POMT1: variants seen among roughly 807,000 people sequenced by gnomAD.
POMT1 encodes the protein protein O-mannosyltransferase 1, also known as protein O-mannosyl-transferase 1.
POMT1 carries 85 observed loss-of-function variants against 101.6 expected under a neutral mutation model. The observed-to-expected ratio is 0.84, with a 90% CI of 0.70 to 1.00. The LOEUF is 1.00. Ranked by LOEUF, POMT1 falls within the 50% of genes least tolerant of loss-of-function variation. The pLI is 0.00. For missense variants in POMT1, 857 were observed against 930.4 expected (o/e 0.92, Z 1.03); for synonymous variants, 371 against 383.0 (o/e 0.97, Z 0.37).
chr9:131,520,889 C>A (rs1285059484), intron 17 of POMT1, among the ~76,000 whole-genome samples: 3 of 152,230 alleles, frequency 2.0e-5, no homozygotes, highest in Admixed American at 2.0e-4. Flanking sequence ...GTCATCCAGG[C>A]TGGAGTACAG....
At position 131,523,234 on chromosome 9, in the gene POMT1, A is replaced by G; in HGVS notation, c.*128A>G. 1 of 1,140,986 alleles carries G rather than the reference A, an allele frequency of 8.8e-7. No homozygotes were observed. Among genetic ancestry groups the G allele is most frequent in the Non-Finnish European group, 1.3e-6 (1 of 790,408 alleles). The allele number at this position is 1,140,986 out of a possible 1,614,324, so 70.7% of individuals were successfully genotyped here. A position where few individuals can be genotyped will look rare whatever the true frequency, so the allele number is the denominator to read the frequency against. ...ACGGGCTGGGCTGAGCAGGGCCTCT[A>G]GTGGAACACATGGGGGTCTCATTGA... On this transcript the variant is annotated 3_prime_UTR_variant, in exon 20 of 20. Coordinates refer to ENST00000402686, the MANE Select transcript of POMT1 (RefSeq NM_001077365.2).
chr9:131,520,675 G>A (rs1428456478), intron 17 of POMT1, among the ~76,000 whole-genome samples: 2 of 152,214 alleles, frequency 1.3e-5, no homozygotes, highest in African/African-American at 4.8e-5. Flanking sequence ...CTCAGCATGT[G>A]CACTGAAGGC....
At chr9:131,510,554 G>C (rs924694094) in intron 9 of POMT1, 139 bp downstream of exon 9, 20 of 1,173,220 alleles carry the variant, frequency 1.7e-5, no homozygotes, top group East Asian at 2.6e-5. Context: ...TTTTTTTGGT[G>C]GGGGGGATGG....
At position 131,522,888 on chromosome 9, in the gene POMT1, G is replaced by A. The variant is rs766512745; in HGVS notation, c.2004-44G>A. 19 of 1,543,050 alleles carry A rather than the reference G, an allele frequency of 1.2e-5. No individual in the cohort carries two copies. Among genetic ancestry groups the A allele is most frequent in the South Asian group, 9.4e-5 (8 of 85,306 alleles). On this transcript the variant is annotated intron_variant, in intron 19 of 19. Coordinates refer to ENST00000402686, the MANE Select transcript of POMT1 (RefSeq NM_001077365.2). This position sits in a 1 kb window ranked among gnomAD's most constrained non-coding sequence, Gnocchi z 5.5. Reference sequence around the variant, plus strand: ...CAAGAGGGTGCCGGGCAGGGAAGCCGCAGTGGTCAGCCACCCTCCCCCACG... The same window carrying A: ...CAAGAGGGTGCCGGGCAGGGAAGCCACAGTGGTCAGCCACCCTCCCCCACG...
rs764724167 is a variant in POMT1 at position 131,510,020 on chromosome 9, C to A, written c.699+24C>A. The A allele has an allele frequency of 1.2e-6, 2 of 1,614,216 alleles. No homozygotes were observed. Among genetic ancestry groups the A allele is most frequent in the Non-Finnish European group, 1.7e-6 (2 of 1,180,042 alleles). ...ATGTAGGTGCTGATGTCCAGTGCTG[C>A]ATGAGGCCGGCCTGTATGGGGCAGA... On this transcript the variant is annotated intron_variant, in intron 8 of 19. Transcript: ENST00000402686.
chr9:131,507,090 A>G (rs910521213), intron 4 of POMT1, among the ~76,000 whole-genome samples: 3 of 152,040 alleles, frequency 2.0e-5, no homozygotes, highest in Admixed American at 1.3e-4. Flanking sequence ...AAAAGAAAAA[A>G]GAAAACAGGG....
At chr9:131,504,793 T>G (rs193206821) in intron 2 of POMT1, among the ~76,000 whole-genome samples, 2,403 of 72,126 alleles carry the variant, frequency 0.033, 70 homozygotes, top group African/African-American at 0.089. Flanking sequence ...GTGTGTGTGT[T>G]TTTGAGACGG....
intron 9 of POMT1, chr9:131,510,630 AG>A: frequency 1.6e-6 from 1 of 642,454 alleles, no homozygotes; most frequent in South Asian, 1.8e-5. Context: ...CAGCCTCCCA[AG>A]TAGCTGGTAT....
In POMT1 at chr9:131,506,287, C is replaced by T. The variant is rs532290528; in HGVS notation, c.229+67C>T. The T allele has an allele frequency of 3.6e-5, 57 of 1,574,688 alleles. No homozygotes were observed. In the African/African-American group the frequency reaches 7.3e-4, roughly 20 times the overall value. The stretch of plus-strand genomic sequence containing the variant: ...CAAATACATTTAAAACTTATCAGTG[C>T]ATTTCTTACAGGCAGAAACCAGGTC... On this transcript the variant is annotated intron_variant, in intron 3 of 19. Coordinates refer to ENST00000402686, the MANE Select transcript of POMT1 (RefSeq NM_001077365.2).
chr9:131,515,603 A>T (rs956467941), intron 13 of POMT1, 81 bp downstream of exon 13: 1 of 1,296,996 alleles, frequency 7.7e-7, no homozygotes, highest in Non-Finnish European at 1.1e-6. Flanking sequence ...CACCCGGAGC[A>T]CTCCCTAACA....
intron 13 of POMT1, among the ~76,000 whole-genome samples, chr9:131,517,625 G>A (rs1396592045): frequency 5.3e-5 from 8 of 152,192 alleles, no homozygotes; most frequent in African/African-American, 1.4e-4. Flanking sequence ...CCCACTCGCC[G>A]TCTCTGTGCT....
intron 13 of POMT1, among the ~76,000 whole-genome samples, chr9:131,515,725 C>T (rs1028400006): frequency 1.5e-5 from 2 of 135,078 alleles, no homozygotes; most frequent in African/African-American, 2.6e-5. Flanking sequence ...ACACGGAGCA[C>T]TTCCTGTAAC....
At chr9:131,513,757 C>G (rs1947657652) in intron 12 of POMT1, among the ~76,000 whole-genome samples, 1 of 152,244 alleles carries the variant, frequency 6.6e-6, no homozygotes, top group South Asian at 2.1e-4. Flanking sequence ...CTTCTTCCTT[C>G]TCAGTCCTTC....
At chr9:131,505,739 A>G (rs1588331422) in intron 2 of POMT1, among the ~76,000 whole-genome samples, 1 of 104,918 alleles carries the variant, frequency 9.5e-6, no homozygotes, top group African/African-American at 3.8e-5. Context: ...AGCCACAGAC[A>G]TGTGCTGCTG....
chr9:131,516,003 TCTAA>T (rs1948406296), intron 13 of POMT1, among the ~76,000 whole-genome samples: 1 of 14,490 alleles, frequency 6.9e-5, no homozygotes, highest in African/African-American at 1.5e-4. Context: ...GAGCACTTCC[TCTAA>T]CACAGGACAC....
At chr9:131,508,886 G>A (rs1463527450) in intron 5 of POMT1, 25 bp from the exon 6 acceptor site, 7 of 1,524,420 alleles carry the variant, frequency 4.6e-6, no homozygotes, top group Non-Finnish European at 5.5e-6. Flanking sequence ...CCTTAAAATT[G>A]ACATGTGTTT....
rs1243967556 is a variant in POMT1, at chr9:131,515,855, T to TCTAA, written c.1272+334_1272+335insTAAC. 4.7e-4 allele frequency among the ~76,000 whole-genome samples: 53 copies of TCTAA among 112,466 alleles called. 13 individuals are homozygous for TCTAA. The highest frequency in any genetic ancestry group is 7.6e-4 in the Non-Finnish European group (38 of 49,800). 73.8% of individuals were successfully genotyped at this position (112,466 alleles called of 152,430 possible). On this transcript the variant is annotated intron_variant, in intron 13 of 19. Coordinates refer to ENST00000402686, the MANE Select transcript of POMT1 (RefSeq NM_001077365.2). The stretch of plus-strand genomic sequence containing the variant: ...ACACTTCCTCACACGGAGCACTTCC[T>TCTAA]CACAGGGAGCACTTTCTCTAACACA...
rs991130751 is a variant in POMT1, at chr9:131,522,286, C to T, written c.2003+62C>T. On this transcript the variant is annotated intron_variant, in intron 19 of 19. Transcript: ENST00000402686. This position sits in a 1 kb window ranked among gnomAD's most constrained non-coding sequence, Gnocchi z 5.5. ...GCAGCCCTCTGCTGGGAAGCCCATG[C>T]GCAGCAAACACATGGGGTGCAGCGA... The T allele has an allele frequency of 3.9e-5, 63 of 1,603,452 alleles. No homozygotes were observed. The highest frequency in any genetic ancestry group is 6.7e-5 in the East Asian group (3 of 44,790).
chr9:131,509,704 G>T, intron 6 of POMT1, 39 bp from the exon 7 acceptor site: 2 of 1,614,096 alleles, frequency 1.2e-6, no homozygotes, highest in African/African-American at 1.3e-5. Flanking sequence ...AAATGTGTCT[G>T]AACTATTTCT....
Sources: allele counts gnomAD v4.1 joint callset (sites outside exome capture counted in the v4.1 genomes callset), GRCh38; gene constraint gnomAD v4.1.1; non-coding constraint Gnocchi (gnomAD v3.1); transcripts MANE v1.5; gene names NCBI Gene and HGNC (gene_info 2026-07-23, HGNC 2026-07-21).